PCDHA3: variants seen among roughly 807,000 people sequenced by gnomAD.
PCDHA3 encodes protocadherin alpha-3.
In PCDHA3, 41 loss-of-function variants were observed where a neutral mutation model predicts 62.2. The ratio of observed to expected loss-of-function variants is 0.66; its 90% CI spans 0.51 to 0.86. The LOEUF is 0.86. Ranked by LOEUF, PCDHA3 falls within the 40% of genes least tolerant of loss-of-function variation. The pLI is 0.00. For synonymous variants in PCDHA3, 640 were observed against 555.4 expected, an observed-to-expected ratio of 1.15 and a Z score of -2.14; for missense variants, 1,304 against 1,241.2, an observed-to-expected ratio of 1.05 and a Z score of -0.76.
At position 140,925,553 on chromosome 5, in the gene PCDHA3, A is replaced by G. The variant is rs183194732; in HGVS notation, c.2395-53396A>G. 8.0e-3 allele frequency among the ~76,000 whole-genome samples: 1,211 copies of G among 152,074 alleles called. 7 individuals carry two copies. The highest frequency in any genetic ancestry group is 0.019 in the African/African-American group (785 of 41,482). On this transcript the variant is annotated intron_variant, in intron 1 of 3. Transcript: ENST00000522353. The stretch of plus-strand genomic sequence containing the variant: ...AGGAGAAATACCTAATGTAAATGAC[A>G]AGTTAATGGGTGCAGCACACCAACA...
In PCDHA3 at chr5:140,857,614, G is replaced by A. The variant is rs1554150351; in HGVS notation, c.2394+54023G>A. ...GCAAGGTGTACGCGCTGCAGCCGCT[G>A]GACCACGAGGAGCTGGAGCTGCTAC... On this transcript the variant is annotated intron_variant, in intron 1 of 3. Transcript: ENST00000522353. 4 of 1,596,618 alleles carry A rather than the reference G, an allele frequency of 2.5e-6. 1 individual carries two copies. Among genetic ancestry groups the A allele is most frequent in the South Asian group, 1.1e-5 (1 of 90,494 alleles).
chr5:140,824,289 CT>C, intron 1 of PCDHA3: 1 of 983,136 alleles, frequency 1.0e-6, no homozygotes, highest in Non-Finnish European at 1.5e-6. Flanking sequence ...TTTTATGAGG[CT>C]TTTCTGCTGG....
intron 1 of PCDHA3, chr5:140,877,081 G>A: frequency 6.2e-7 from 1 of 1,613,120 alleles, no homozygotes; most frequent in Non-Finnish European, 8.5e-7. Flanking sequence ...CCAGGTGAGC[G>A]CGCGCGACGC....
intron 1 of PCDHA3, chr5:140,871,411 G>A: frequency 6.2e-7 from 1 of 1,614,056 alleles, no homozygotes; most frequent in Non-Finnish European, 8.5e-7. Flanking sequence ...GGACCTCATG[G>A]CCTTCAGCCC....
intron 1 of PCDHA3, chr5:140,850,265 G>A (rs2150476543): frequency 1.3e-6 from 2 of 1,594,610 alleles, no homozygotes; most frequent in Admixed American, 1.7e-5. Context: ...CCGGCGTAGT[G>A]GTGGGGAAGG....
chr5:140,904,098 A>G (rs184234910), intron 1 of PCDHA3, among the ~76,000 whole-genome samples: 35 of 152,296 alleles, frequency 2.3e-4, no homozygotes, highest in African/African-American at 7.9e-4. Context: ...TAACTACTTT[A>G]GTGGTCATTG....
Position 140,927,620 on chromosome 5 carries a change from C to T in PCDHA3, c.2395-51329C>T, listed in dbSNP as rs2153590504. 6.2e-7 allele frequency: 1 copy of T among 1,614,196 alleles called. No homozygotes were observed. ...CGCTCCGTATACCGCACCAAGGTTC[C>T]AGAGACTGCACCCAATGGGACTGTG... is the stretch of plus-strand genomic sequence containing the variant. On this transcript the variant is annotated intron_variant, in intron 1 of 3. Coordinates refer to ENST00000522353, the MANE Select transcript of PCDHA3 (RefSeq NM_018906.3).
rs894945353 is a variant in PCDHA3 at position 140,936,140 on chromosome 5, G to A, written c.2395-42809G>A. ...ACTCCTGACCTTAAGTGATCTGCCC[G>A]CCTTGGCCTCCTAAAGTGCTGGGAT... is the stretch of plus-strand genomic sequence containing the variant. On this transcript the variant is annotated intron_variant, in intron 1 of 3. Coordinates refer to ENST00000522353, the MANE Select transcript of PCDHA3 (RefSeq NM_018906.3). 7.2e-5 allele frequency among the ~76,000 whole-genome samples: 11 copies of A among 152,050 alleles called. 1 individual carries two copies. The highest frequency in any genetic ancestry group is 6.6e-4 in the Admixed American group (10 of 15,256).
rs2150182143 is a variant in PCDHA3, at chr5:140,830,158, A to C, written c.2394+26567A>C. 4 of 1,613,420 alleles carry C rather than the reference A, an allele frequency of 2.5e-6. No individual in the cohort carries two copies. In the Admixed American group the frequency reaches 5.0e-5, roughly 20 times the overall value. On this transcript the variant is annotated intron_variant, in intron 1 of 3. Coordinates refer to ENST00000522353, the MANE Select transcript of PCDHA3 (RefSeq NM_018906.3). ...GGGCGTCGGTGGGCGCCGCGGGCCC[A>C]GAGGCGGCGCTGGTGGATGTCAACG...
intron 1 of PCDHA3, chr5:140,842,947 G>A: frequency 6.3e-7 from 1 of 1,594,658 alleles, no homozygotes; most frequent in Non-Finnish European, 8.6e-7. Flanking sequence ...ACGCGGGCGT[G>A]CCGCCTCTGG....
At chr5:140,986,899 C>G (rs2097217128) in intron 3 of PCDHA3, among the ~76,000 whole-genome samples, 1 of 152,072 alleles carries the variant, frequency 6.6e-6, no homozygotes, top group African/African-American at 2.4e-5. Flanking sequence ...AGGCCCTATC[C>G]TAGACTAATG....
chr5:141,009,298 T>C (rs1196659486), intron 3 of PCDHA3, among the ~76,000 whole-genome samples: 1 of 152,130 alleles, frequency 6.6e-6, no homozygotes, highest in Non-Finnish European at 1.5e-5. Context: ...CTATAAAATT[T>C]TTTTTAAAAA....
Position 140,841,227 on chromosome 5 carries a change from G to C in PCDHA3, c.2394+37636G>C, listed in dbSNP as rs1468435006. The C allele has an allele frequency of 2.1e-6, 3 of 1,454,606 alleles. No homozygotes were observed. The African/African-American group carries it at 4.3e-5, about 21-fold the overall frequency. The allele number at this position is 1,454,606 out of a possible 1,614,324, so 90.1% of individuals were successfully genotyped here. On this transcript the variant is annotated intron_variant, in intron 1 of 3. Transcript: ENST00000522353. The stretch of plus-strand genomic sequence containing the variant: ...ATCTGTCTCTAAAGGCCGAACAACG[G>C]GAGATGCAGCGGAATTGGATTAAAA...
intron 1 of PCDHA3, among the ~76,000 whole-genome samples, chr5:140,914,730 C>T (rs2076816445): frequency 6.6e-6 from 1 of 151,438 alleles, no homozygotes; most frequent in Non-Finnish European, 1.5e-5. Context: ...TTTTGTGTAT[C>T]CATTGTATGT....
chr5:140,887,309 G>T (rs2061400609), intron 1 of PCDHA3, among the ~76,000 whole-genome samples: 1 of 152,182 alleles, frequency 6.6e-6, no homozygotes, highest in South Asian at 2.1e-4. Flanking sequence ...TGTTAGCCAG[G>T]ATAGTCTCGA....
chr5:140,987,075 G>C (rs564788093), intron 3 of PCDHA3, among the ~76,000 whole-genome samples: 1 of 152,006 alleles, frequency 6.6e-6, no homozygotes, highest in Admixed American at 6.5e-5. Context: ...TGAGCTGGGC[G>C]TGGTGGCAGG....
At chr5:140,831,021 T>G in intron 1 of PCDHA3, 1 of 152,424 alleles carries the variant, frequency 6.6e-6, no homozygotes, top group Non-Finnish European at 1.5e-5. Context: ...CTTTTCAGAC[T>G]TGTGATTCCG....
chr5:141,009,595 C>G (rs781807814), intron 3 of PCDHA3, 32 bp from the exon 4 acceptor site: 1 of 1,604,124 alleles, frequency 6.2e-7, no homozygotes, highest in Non-Finnish European at 8.5e-7. Flanking sequence ...TGTGTTGACC[C>G]TGTTAATGAT....
chr5:140,876,250 A>T, intron 1 of PCDHA3: 1 of 1,614,046 alleles, frequency 6.2e-7, no homozygotes, highest in South Asian at 1.1e-5. Flanking sequence ...AAACGACACA[A>T]GAGTGATCCA....
Sources: gnomAD v4.1 joint callset for allele counts (sites outside exome capture counted in the v4.1 genomes callset) on GRCh38, gnomAD v4.1.1 for gene constraint, MANE v1.5 for transcripts, NCBI Gene and HGNC (gene_info 2026-07-23, HGNC 2026-07-21) for gene names.